Variants in WASHC2A observed in about 807,000 individuals in gnomAD.
WASHC2A encodes the protein WASH complex subunit FAM21A.
A neutral mutation model predicts 140.3 loss-of-function variants in WASHC2A; 82 were observed. That is an observed-to-expected ratio of 0.58 (90% CI 0.49 to 0.70). The LOEUF (loss-of-function observed/expected upper bound fraction) is 0.70, where lower values mean the gene tolerates loss of function less well. Among genes scored for constraint, WASHC2A ranks in the 30% least tolerant of loss-of-function variants. The pLI is 0.00. For synonymous variants in WASHC2A, 340 were observed against 560.8 expected (o/e 0.61, Z 5.56); for missense variants, 985 against 1,521.8 (o/e 0.65, Z 5.87).
Position 50,133,353 on chromosome 10 carries a change from G to A in WASHC2A, c.*408G>A, listed in dbSNP as rs960376106. On this transcript the variant is annotated 3_prime_UTR_variant, in exon 31 of 31. Coordinates refer to ENST00000282633, the MANE Select transcript of WASHC2A (RefSeq NM_001005751.3). The stretch of plus-strand genomic sequence containing the variant: ...GCCTGGGCAGGGGAAAGAGAAAGAA[G>A]GTGAGAGATTATACTTCATGAGTCT... 6 of 486,410 alleles carry A rather than the reference G, an allele frequency of 1.2e-5. No homozygotes were observed. Among genetic ancestry groups the A allele is most frequent in the Non-Finnish European group, 2.1e-5 (5 of 239,240 alleles). The allele number at this position is 486,410 out of a possible 1,614,324, so 30.1% of individuals were successfully genotyped here. A position where few individuals can be genotyped will look rare whatever the true frequency, so the allele number is the denominator to read the frequency against.
In WASHC2A at chr10:50,116,354, C is replaced by T. The variant is rs538176086; in HGVS notation, c.2143-1552C>T. On this transcript the variant is annotated intron_variant, in intron 21 of 30. Coordinates refer to ENST00000282633, the MANE Select transcript of WASHC2A (RefSeq NM_001005751.3). ...TTTTTGAGACGGAGTCTTGCTCTTT[C>T]GTCCAGGCTGGAGTGCAGTGGCGCA... is the stretch of plus-strand genomic sequence containing the variant. 3.9e-5 allele frequency among the ~76,000 whole-genome samples: 3 copies of T among 77,304 alleles called. No homozygotes were observed. In the South Asian group the frequency reaches 1.8e-3, roughly 46 times the overall value. 50.7% of individuals were successfully genotyped at this position (77,304 alleles called of 152,430 possible). A position where few individuals can be genotyped will look rare whatever the true frequency, so the allele number is the denominator to read the frequency against.
Position 50,130,906 on chromosome 10 carries a change from T to C in WASHC2A, c.3714T>C (p.Asp1238=), listed in dbSNP as rs372236284. ...TGTATTTTTGGCTTAACAAGGATGA[T>C]ATATTTGCTACGGAAGCAATTAAAC... is the stretch of plus-strand genomic sequence containing the variant. ...ILTTQDIFED[D]IFATEAIKPS... is the part of the protein sequence containing the mutation. Residue 1238 remains aspartate (D), a synonymous_variant, in exon 30 of 31, where the codon GAT becomes GAC. Coordinates refer to ENST00000282633, the MANE Select transcript of WASHC2A (RefSeq NM_001005751.3). The C allele has an allele frequency of 3.7e-6, 6 of 1,601,288 alleles. No individual in the cohort carries two copies. The highest frequency in any genetic ancestry group is 2.3e-5 in the South Asian group (2 of 88,108).
rs1346340612 is a variant in WASHC2A, at chr10:50,103,144, C to T, written c.1636-898C>T. On this transcript the variant is annotated intron_variant, in intron 17 of 30. Transcript: ENST00000282633. The stretch of plus-strand genomic sequence containing the variant: ...GGATTATAGACATGAGCCACAGCAC[C>T]GAGCTGAAAGTTTCTTTAGAATCTA... Among the ~76,000 whole-genome samples the T allele has an allele frequency of 1.1e-4, 16 of 151,654 alleles. 1 individual carries two copies. Among genetic ancestry groups the T allele is most frequent in the Admixed American group, 1.3e-4 (2 of 15,180 alleles).
intron 8 of WASHC2A, among the ~76,000 whole-genome samples, chr10:50,090,052 G>T (rs1186878500): frequency 6.6e-6 from 1 of 151,708 alleles, no homozygotes; most frequent in Non-Finnish European, 1.5e-5. Context: ...GGAGGTTGCA[G>T]TGAGCCGAGA....
At chr10:50,109,205 T>C (rs1184308930) in intron 19 of WASHC2A, among the ~76,000 whole-genome samples, 9 of 152,200 alleles carry the variant, frequency 5.9e-5, no homozygotes, top group Non-Finnish European at 1.2e-4. Context: ...ACTCCAGAGA[T>C]AGAGCACTTA....
Position 50,109,643 on chromosome 10 carries a change from A to G in WASHC2A, c.1870-458A>G, listed in dbSNP as rs1408764983. ...GCTGTCTAGATTTGAGTTCAAAGAA[A>G]AGTCTTAAGCATGAGCTTTCTTCAA... On this transcript the variant is annotated intron_variant, in intron 19 of 30. Transcript: ENST00000282633. Among the ~76,000 whole-genome samples, 14 of 152,294 alleles carry G rather than the reference A, an allele frequency of 9.2e-5. No individual in the cohort carries two copies. The East Asian group carries it at 2.3e-3, about 25-fold the overall frequency.
Position 50,125,099 on chromosome 10 carries a change from C to T in WASHC2A, c.2479-14C>T. 2 of 1,611,788 alleles carry T rather than the reference C, an allele frequency of 1.2e-6. No homozygotes were observed. The highest frequency in any genetic ancestry group is 1.3e-5 in the African/African-American group (1 of 74,850). On this transcript the variant is annotated splice_polypyrimidine_tract_variant and intron_variant, in intron 23 of 30. Coordinates refer to ENST00000282633, the MANE Select transcript of WASHC2A (RefSeq NM_001005751.3). The stretch of plus-strand genomic sequence containing the variant: ...ACAGCTCTAATCACACATGACCTTC[C>T]CTCCTGTTCCCAGGGCCGCGATCCT...
intron 28 of WASHC2A, 144 bp downstream of exon 28, chr10:50,127,939 A>G (rs2669769): frequency 6.5e-7 from 1 of 1,546,360 alleles, no homozygotes; most frequent in Non-Finnish European, 8.8e-7. Flanking sequence ...GCCACTCCCC[A>G]CTCCATTCTC....
intron 17 of WASHC2A, among the ~76,000 whole-genome samples, chr10:50,103,415 C>T (rs1191866382): frequency 6.6e-6 from 1 of 151,996 alleles, no homozygotes; most frequent in Non-Finnish European, 1.5e-5. Context: ...AAAAAATTAG[C>T]CAGGCGTGGT....
At chr10:50,131,186 G>C in intron 30 of WASHC2A, 108 bp downstream of exon 30, 1 of 1,367,018 alleles carries the variant, frequency 7.3e-7, no homozygotes. Flanking sequence ...CACCCCAGCG[G>C]GTTCACTTCA....
intron 26 of WASHC2A, 31 bp downstream of exon 26, chr10:50,126,210 C>T: frequency 1.2e-6 from 2 of 1,612,654 alleles, no homozygotes; most frequent in Non-Finnish European, 1.7e-6. Flanking sequence ...ATTTTCAGCT[C>T]TTGTTTGCAT....
intron 3 of WASHC2A, among the ~76,000 whole-genome samples, chr10:50,074,681 G>A (rs1418228443): frequency 2.0e-5 from 3 of 152,124 alleles, no homozygotes; most frequent in African/African-American, 7.2e-5. Flanking sequence ...TTGGGAGGCC[G>A]AGGTGGGCGG....
intron 15 of WASHC2A, among the ~76,000 whole-genome samples, chr10:50,097,252 AT>A (rs1840572982): frequency 6.7e-6 from 1 of 150,320 alleles, no homozygotes; most frequent in Admixed American, 6.7e-5. Flanking sequence ...AGGGGATTTC[AT>A]TATTTGCTTT....
chr10:50,075,327 TG>T (rs1403649467), intron 3 of WASHC2A, among the ~76,000 whole-genome samples: 1 of 151,232 alleles, frequency 6.6e-6, no homozygotes, highest in Non-Finnish European at 1.5e-5. Context: ...TTGCCACATT[TG>T]CTTCAAAGGT....
intron 17 of WASHC2A, among the ~76,000 whole-genome samples, chr10:50,101,537 T>C (rs1415557242): frequency 4.6e-5 from 7 of 152,416 alleles, no homozygotes; most frequent in Admixed American, 3.3e-4. Flanking sequence ...GGCAGGACTT[T>C]GTATTCCCTA....
chr10:50,084,618 A>C (rs1326441501), intron 6 of WASHC2A, among the ~76,000 whole-genome samples: 1 of 151,148 alleles, frequency 6.6e-6, no homozygotes, highest in Non-Finnish European at 1.5e-5. Flanking sequence ...TTTAGTAGAG[A>C]CGGGGTTTCA....
At chr10:50,075,783 A>G (rs1205252473) in intron 3 of WASHC2A, among the ~76,000 whole-genome samples, 1 of 152,050 alleles carries the variant, frequency 6.6e-6, no homozygotes, top group Non-Finnish European at 1.5e-5. Flanking sequence ...CCAGTATCAT[A>G]ATCTTAAATA....
intron 18 of WASHC2A, among the ~76,000 whole-genome samples, chr10:50,105,281 G>C (rs1455146757): frequency 2.0e-5 from 3 of 151,062 alleles, no homozygotes; most frequent in Non-Finnish European, 2.9e-5. Flanking sequence ...TGCAGTACTG[G>C]GCGGTGGTGA....
intron 28 of WASHC2A, among the ~76,000 whole-genome samples, chr10:50,128,077 C>T (rs1183471730): frequency 6.6e-6 from 1 of 151,294 alleles, no homozygotes; most frequent in African/African-American, 2.4e-5. Flanking sequence ...TCCAGCACTG[C>T]CACCTGGGGG....
Sources: allele counts gnomAD v4.1 joint callset (sites outside exome capture counted in the v4.1 genomes callset), GRCh38; gene constraint gnomAD v4.1.1; transcripts MANE v1.5; gene names NCBI Gene and HGNC (gene_info 2026-07-23, HGNC 2026-07-21).